Variants in TCF7L2 observed in about 807,000 individuals in gnomAD.
TCF7L2 encodes transcription factor 7-like 2.
TCF7L2 carries 23 observed loss-of-function variants against 77.9 expected under a neutral mutation model. The observed-to-expected ratio is 0.30, with a 90% CI of 0.21 to 0.42. The LOEUF is 0.42. Among genes scored for constraint, TCF7L2 ranks in the 10% least tolerant of loss-of-function variants. The pLI is 1.00. For missense variants in TCF7L2, 654 were observed against 793.1 expected (o/e 0.82, Z 2.11); for synonymous variants, 413 against 340.2 (o/e 1.21, Z -2.36).
intron 4 of TCF7L2, among the ~76,000 whole-genome samples, chr10:113,000,257 G>A (rs992320720): frequency 6.6e-6 from 1 of 152,108 alleles, no homozygotes; most frequent in Non-Finnish European, 1.5e-5. Context: ...ACCATCTTGG[G>A]GAGCAAGCTG....
intron 13 of TCF7L2, among the ~76,000 whole-genome samples, chr10:113,162,698 C>G (rs901453192): frequency 1.3e-5 from 2 of 152,216 alleles, no homozygotes; most frequent in Admixed American, 1.3e-4. Context: ...CAGCAGTGTT[C>G]AGACTTTCCC....
Position 113,086,241 on chromosome 10 carries a change from C to T in TCF7L2, c.552+46115C>T, listed in dbSNP as rs148251081. On this transcript the variant is annotated intron_variant, in intron 5 of 13. Transcript: ENST00000627217. ...GAGGCCAATCTGGCTGAGGTGAGGA[C>T]TGCTTGAGTCTAAATTCCTCTCTCC... Among the ~76,000 whole-genome samples the T allele has an allele frequency of 8.0e-3, 1,214 of 152,344 alleles. 9 individuals carry two copies. The highest frequency in any genetic ancestry group is 0.014 in the Middle Eastern group (4 of 294).
intron 4 of TCF7L2, among the ~76,000 whole-genome samples, chr10:113,036,134 CATCAT>C (rs1277093016): frequency 2.0e-5 from 3 of 150,736 alleles, no homozygotes; most frequent in African/African-American, 7.4e-5. Flanking sequence ...TCATCATCAT[CATCAT>C]CATCATCATC....
At chr10:113,107,150 T>G (rs1047754334) in intron 5 of TCF7L2, among the ~76,000 whole-genome samples, 1 of 152,160 alleles carries the variant, frequency 6.6e-6, no homozygotes, top group Non-Finnish European at 1.5e-5. Flanking sequence ...TTATGTAATG[T>G]TAAACTGGGC....
intron 5 of TCF7L2, among the ~76,000 whole-genome samples, chr10:113,093,131 C>T (rs775984481): frequency 6.6e-6 from 1 of 152,206 alleles, no homozygotes; most frequent in Non-Finnish European, 1.5e-5. Flanking sequence ...GATCCCTTGA[C>T]ATTTAACACA....
intron 6 of TCF7L2, 65 bp from the exon 7 acceptor site, chr10:113,143,858 C>T (rs1027938216): frequency 2.5e-6 from 3 of 1,202,372 alleles, no homozygotes; most frequent in South Asian, 1.3e-5. Context: ...CTGTTCCCAT[C>T]CCCTAATGGA....
At chr10:113,130,103 G>C in intron 5 of TCF7L2, 1 of 850,252 alleles carries the variant, frequency 1.2e-6, no homozygotes, top group Non-Finnish European at 1.5e-6. Flanking sequence ...TAGATCATGG[G>C]AAGGAAAAAA....
In TCF7L2 at chr10:112,950,945, G is replaced by A. The variant is rs2134179435; in HGVS notation, c.189G>A (p.Glu63=). ...ATCAAAACAGCTCCTCCGATTCCGA[G>A]GTAGGAAAAGCCCCTCGGGCTGGTG... Residue 63 remains glutamate, a splice_region_variant and synonymous_variant, in exon 1 of 14, where the codon GAG becomes GAA. Coordinates refer to ENST00000627217, the MANE Select transcript of TCF7L2 (RefSeq NM_001146274.2). 1.9e-6 allele frequency: 3 copies of A among 1,608,758 alleles called. No individual in the cohort carries two copies. The highest frequency in any genetic ancestry group is 2.5e-6 in the Non-Finnish European group (3 of 1,178,310).
At chr10:113,097,197 C>T (rs1015702577) in intron 5 of TCF7L2, among the ~76,000 whole-genome samples, 5 of 152,116 alleles carry the variant, frequency 3.3e-5, no homozygotes, top group African/African-American at 9.7e-5. Context: ...CCTTGTGGTT[C>T]GCCAGGGGCC....
intron 6 of TCF7L2, among the ~76,000 whole-genome samples, chr10:113,142,806 CAT>C (rs1396268280): frequency 1.3e-5 from 2 of 152,178 alleles, no homozygotes; most frequent in African/African-American, 4.8e-5. Flanking sequence ...TATCGTAAAA[CAT>C]ATGATTAACG....
At chr10:113,012,940 GC>G (rs2046704938) in intron 4 of TCF7L2, among the ~76,000 whole-genome samples, 2 of 152,132 alleles carry the variant, frequency 1.3e-5, no homozygotes, top group African/African-American at 4.8e-5. Flanking sequence ...TACGCGTGTT[GC>G]TGAAACTTAA....
At chr10:113,012,265 G>T (rs1182385684) in intron 4 of TCF7L2, among the ~76,000 whole-genome samples, 14 of 152,210 alleles carry the variant, frequency 9.2e-5, no homozygotes, top group African/African-American at 3.4e-4. Flanking sequence ...GAACCTTTGA[G>T]AAGCACTGCT....
chr10:113,152,493 C>T (rs2070959077), intron 11 of TCF7L2, 53 bp downstream of exon 11: 3 of 1,460,226 alleles, frequency 2.1e-6, no homozygotes, highest in East Asian at 4.5e-5. Context: ...TGTTGTGCGT[C>T]TATACGGACA....
At chr10:113,135,214 G>A (rs141723430) in intron 5 of TCF7L2, among the ~76,000 whole-genome samples, 31 of 152,328 alleles carry the variant, frequency 2.0e-4, no homozygotes, top group African/African-American at 6.0e-4. Context: ...GGCGATGAGG[G>A]TGGCATGGCC....
intron 5 of TCF7L2, chr10:113,126,925 G>GT: frequency 1.0e-6 from 1 of 985,508 alleles, no homozygotes; most frequent in Non-Finnish European, 1.2e-6. Flanking sequence ...GGTGCGCGGT[G>GT]GCCGGCCCGC....
chr10:113,028,312 A>C (rs1374663334), intron 4 of TCF7L2, among the ~76,000 whole-genome samples: 4 of 152,174 alleles, frequency 2.6e-5, no homozygotes, highest in Admixed American at 6.5e-5. Flanking sequence ...CAAGACTTGC[A>C]TGCAGGGGGG....
intron 4 of TCF7L2, among the ~76,000 whole-genome samples, chr10:113,012,753 A>G (rs1231827709): frequency 6.6e-6 from 1 of 152,186 alleles, no homozygotes; most frequent in African/African-American, 2.4e-5. Flanking sequence ...GGATCTGTCT[A>G]GGGAATATTT....
intron 5 of TCF7L2, among the ~76,000 whole-genome samples, chr10:113,127,887 T>C (rs899177153): frequency 2.0e-4 from 25 of 123,222 alleles, no homozygotes; most frequent in Non-Finnish European, 4.1e-4. Flanking sequence ...TTTTTTTTTT[T>C]CCATTTTTCG....
At chr10:113,060,791 T>C (rs1241825366) in intron 5 of TCF7L2, among the ~76,000 whole-genome samples, 2 of 152,012 alleles carry the variant, frequency 1.3e-5, no homozygotes, top group African/African-American at 4.8e-5. Context: ...AAAGAGGCGC[T>C]GTGTCCCCAA....
Sources: gnomAD v4.1 joint callset for allele counts (sites outside exome capture counted in the v4.1 genomes callset) on GRCh38, gnomAD v4.1.1 for gene constraint, MANE v1.5 for transcripts, NCBI Gene and HGNC (gene_info 2026-07-23, HGNC 2026-07-21) for gene names.